TSPAN13: variants seen among roughly 807,000 people sequenced by gnomAD.
TSPAN13 encodes tetraspanin-13.
TSPAN13 carries 18 observed loss-of-function variants against 26.9 expected under a neutral mutation model. The ratio of observed to expected loss-of-function variants is 0.67; its 90% CI spans 0.46 to 0.99. The LOEUF is 0.99. Ranked by LOEUF, TSPAN13 falls within the 50% of genes least tolerant of loss-of-function variation. TSPAN13 has a pLI of 0.00. For missense variants in TSPAN13, 201 were observed against 249.6 expected (o/e 0.81, Z 1.31); for synonymous variants, 116 against 98.4 (o/e 1.18, Z -1.06).
rs1282545144 is a variant in TSPAN13 at position 16,784,178 on chromosome 7, A to G, written c.*687A>G. On this transcript the variant is annotated 3_prime_UTR_variant, in exon 6 of 6. Transcript: ENST00000262067. ...AACATTTACCTTCAGCCTCCATCAG[A>G]ATGGAACGAGTTTTGAGTAATCAGG... 1.3e-5 allele frequency: 2 copies of G among 152,622 alleles called. No homozygotes were observed. The highest frequency in any genetic ancestry group is 4.8e-5 in the African/African-American group (2 of 41,456). The allele number at this position is 152,622 out of a possible 1,614,324, so 9.5% of individuals were successfully genotyped here. A position where few individuals can be genotyped will look rare whatever the true frequency, so the allele number is the denominator to read the frequency against.
intron 1 of TSPAN13, among the ~76,000 whole-genome samples, chr7:16,754,259 T>A (rs1475078339): frequency 6.6e-6 from 1 of 152,132 alleles, no homozygotes; most frequent in Non-Finnish European, 1.5e-5. Flanking sequence ...TCTCTCAGGC[T>A]CGCTGGCCGC....
Position 16,754,037 on chromosome 7 carries a change from A to G in TSPAN13, c.63+7A>G. On this transcript the variant is annotated splice_region_variant and intron_variant, in intron 1 of 5. Transcript: ENST00000262067. Reference sequence around the variant, plus strand: ...CCTCAACCTGCTTTACACCGTGAGTATCCCCAGTCCGTTCCTGCTCGCTTG... The same window carrying G: ...CCTCAACCTGCTTTACACCGTGAGTGTCCCCAGTCCGTTCCTGCTCGCTTG... 1 of 1,613,642 alleles carries G rather than the reference A, an allele frequency of 6.2e-7. No homozygotes were observed. The highest frequency in any genetic ancestry group is 8.5e-7 in the Non-Finnish European group (1 of 1,179,728).
Position 16,783,744 on chromosome 7 carries a change from TC to T in TSPAN13, c.*255del. 1 of 499,824 alleles carries T rather than the reference TC, an allele frequency of 2.0e-6. No homozygotes were observed. The highest frequency in any genetic ancestry group is 3.6e-6 in the Non-Finnish European group (1 of 278,270). 31.0% of individuals were successfully genotyped at this position (499,824 alleles called of 1,614,324 possible). A position where few individuals can be genotyped will look rare whatever the true frequency, so the allele number is the denominator to read the frequency against. ...TTACTGTATTCATTGTCGGGCACTG[TC>T]CACTGTGGCCTTTCTTAGCATTTTT... On this transcript the variant is annotated 3_prime_UTR_variant, in exon 6 of 6. Coordinates refer to ENST00000262067, the MANE Select transcript of TSPAN13 (RefSeq NM_014399.4).
intron 4 of TSPAN13, among the ~76,000 whole-genome samples, chr7:16,778,138 T>C (rs1462246078): frequency 6.6e-6 from 1 of 152,122 alleles, no homozygotes; most frequent in Non-Finnish European, 1.5e-5. Context: ...ATGCTAATGG[T>C]TTATTGTCCC....
At chr7:16,774,839 T>G (rs1469698154) in intron 1 of TSPAN13, among the ~76,000 whole-genome samples, 1 of 152,162 alleles carries the variant, frequency 6.6e-6, no homozygotes, top group Admixed American at 6.6e-5. Flanking sequence ...AAGTTTTGTC[T>G]CTTTGGCAAA....
At chr7:16,779,407 A>G (rs560049257) in intron 5 of TSPAN13, among the ~76,000 whole-genome samples, 45 of 152,248 alleles carry the variant, frequency 3.0e-4, no homozygotes, top group African/African-American at 1.0e-3. Context: ...TGTGTGATGA[A>G]TTATAATTTT....
At chr7:16,759,819 G>A (rs185999039) in intron 1 of TSPAN13, among the ~76,000 whole-genome samples, 216 of 151,696 alleles carry the variant, frequency 1.4e-3, no homozygotes, top group Non-Finnish European at 2.6e-3. Context: ...CTACCTAGTA[G>A]CTGGGACTAC....
intron 1 of TSPAN13, among the ~76,000 whole-genome samples, chr7:16,768,103 G>A (rs1223211799): frequency 2.6e-5 from 4 of 151,946 alleles, no homozygotes; most frequent in Non-Finnish European, 5.9e-5. Context: ...TAGTAGAAAT[G>A]GGGTTTTACC....
At chr7:16,760,025 T>G (rs1289726651) in intron 1 of TSPAN13, among the ~76,000 whole-genome samples, 1 of 151,658 alleles carries the variant, frequency 6.6e-6, no homozygotes, top group African/African-American at 2.4e-5. Flanking sequence ...GACAGATGAG[T>G]CAAATATGAG....
intron 1 of TSPAN13, among the ~76,000 whole-genome samples, chr7:16,758,267 A>G (rs1055948047): frequency 2.0e-5 from 3 of 152,204 alleles, no homozygotes; most frequent in Non-Finnish European, 4.4e-5. Context: ...ACATATGTCC[A>G]TACAAATTAT....
At chr7:16,760,093 G>A (rs1006157950) in intron 1 of TSPAN13, among the ~76,000 whole-genome samples, 2 of 152,142 alleles carry the variant, frequency 1.3e-5, no homozygotes, top group East Asian at 3.9e-4. Context: ...AGTCAGGGGT[G>A]GACCCAGGAG....
intron 1 of TSPAN13, among the ~76,000 whole-genome samples, chr7:16,767,116 C>T (rs573351879): frequency 5.0e-4 from 76 of 152,122 alleles, no homozygotes; most frequent in Non-Finnish European, 9.3e-4. Context: ...CAGCTAATCT[C>T]TCTTTTAAGA....
intron 2 of TSPAN13, among the ~76,000 whole-genome samples, chr7:16,776,728 A>T (rs1364830073): frequency 3.9e-5 from 6 of 152,296 alleles, no homozygotes; most frequent in Non-Finnish European, 8.8e-5. Flanking sequence ...ACTTAATATT[A>T]AAAAAGCTTA....
chr7:16,759,931 C>T (rs1283090278), intron 1 of TSPAN13, among the ~76,000 whole-genome samples: 1 of 152,100 alleles, frequency 6.6e-6, no homozygotes, highest in Non-Finnish European at 1.5e-5. Context: ...AAGCAGTCCT[C>T]CCACCTTGGC....
At chr7:16,769,640 C>G (rs551960776) in intron 1 of TSPAN13, among the ~76,000 whole-genome samples, 3 of 152,066 alleles carry the variant, frequency 2.0e-5, no homozygotes, top group African/African-American at 7.3e-5. Flanking sequence ...TTTCTAGCAA[C>G]TTTGCTGGTT....
chr7:16,777,945 T>C, intron 4 of TSPAN13, 34 bp downstream of exon 4: 3 of 1,457,930 alleles, frequency 2.1e-6, no homozygotes, highest in Non-Finnish European at 2.9e-6. Flanking sequence ...TTTTTGGAAA[T>C]GTATTACAGA....
At chr7:16,761,690 A>ATTTTTGTT (rs1784542625) in intron 1 of TSPAN13, among the ~76,000 whole-genome samples, 1 of 93,322 alleles carries the variant, frequency 1.1e-5, no homozygotes, top group African/African-American at 4.2e-5. Context: ...CAGCTAATTA[A>ATTTTTGTT]TTTTTTTTTT....
chr7:16,764,306 T>C (rs1009206635), intron 1 of TSPAN13, among the ~76,000 whole-genome samples: 6 of 151,954 alleles, frequency 3.9e-5, no homozygotes, highest in Admixed American at 1.3e-4. Context: ...GGGTTAAAGG[T>C]GTGAGCCACC....
intron 1 of TSPAN13, among the ~76,000 whole-genome samples, chr7:16,770,776 C>T (rs572513106): frequency 7.2e-5 from 11 of 152,310 alleles, no homozygotes; most frequent in Middle Eastern, 6.8e-3. Flanking sequence ...TTTTCTCCCC[C>T]AAATGCCGTC....
Sources: gnomAD v4.1 joint callset for allele counts (sites outside exome capture counted in the v4.1 genomes callset) on GRCh38, gnomAD v4.1.1 for gene constraint, MANE v1.5 for transcripts, NCBI Gene and HGNC (gene_info 2026-07-23, HGNC 2026-07-21) for gene names.